Variants in HMCN1 observed in about 807,000 individuals in gnomAD.
HMCN1 encodes the protein hemicentin 1.
Under a neutral mutation model 625.9 loss-of-function variants are expected in HMCN1, and 321 were observed. That is an observed-to-expected ratio of 0.51 (90% CI 0.47 to 0.56). The LOEUF (loss-of-function observed/expected upper bound fraction) is 0.56, where lower values mean the gene tolerates loss of function less well. Ranked by LOEUF, HMCN1 falls within the 20% of genes least tolerant of loss-of-function variation. HMCN1 has a pLI of 0.00. For missense variants in HMCN1, 6,588 were observed against 6,887.3 expected (o/e 0.96, Z 1.54); for synonymous variants, 2,425 against 2,417.6 (o/e 1.00, Z -0.09).
intron 2 of HMCN1, among the ~76,000 whole-genome samples, chr1:185,858,412 G>T (rs1001475612): frequency 4.0e-5 from 6 of 151,252 alleles, no homozygotes; most frequent in African/African-American, 1.5e-4. Context: ...GACGTTTAAA[G>T]GATTTATTTT....
chr1:185,864,384 T>C (rs889429547), intron 2 of HMCN1, 86 bp from the exon 3 acceptor site: 3 of 1,317,960 alleles, frequency 2.3e-6, no homozygotes, highest in African/African-American at 2.9e-5. Flanking sequence ...TTGCTCGTTC[T>C]AAAACTCCCA....
At chr1:185,822,676 T>G (rs896231124) in intron 1 of HMCN1, among the ~76,000 whole-genome samples, 1 of 152,166 alleles carries the variant, frequency 6.6e-6, no homozygotes, top group African/African-American at 2.4e-5. Context: ...GAATATCAAT[T>G]TTAGTGAGAT....
chr1:186,101,879 A>G (rs532832855), intron 68 of HMCN1, among the ~76,000 whole-genome samples: 1 of 152,250 alleles, frequency 6.6e-6, no homozygotes, highest in African/African-American at 2.4e-5. Flanking sequence ...TGATACGAAA[A>G]TGAAAAAGCA....
intron 50 of HMCN1, among the ~76,000 whole-genome samples, 179 bp downstream of exon 50, chr1:186,068,186 C>A (rs919340163): frequency 4.0e-5 from 6 of 151,834 alleles, no homozygotes; most frequent in African/African-American, 1.5e-4. Context: ...GGGATTGGGA[C>A]CCCTGCTGTA....
intron 36 of HMCN1, among the ~76,000 whole-genome samples, chr1:186,034,946 C>T (rs1164078842): frequency 6.6e-6 from 1 of 152,100 alleles, no homozygotes; most frequent in Non-Finnish European, 1.5e-5. Flanking sequence ...ATTGCCAACC[C>T]ATTCCATAGC....
chr1:185,889,359 G>A (rs1664893296), intron 4 of HMCN1, among the ~76,000 whole-genome samples: 1 of 146,774 alleles, frequency 6.8e-6, no homozygotes, highest in African/African-American at 2.7e-5. Context: ...GAATAGGAGT[G>A]GTGAGAGAGG....
Position 186,076,414 on chromosome 1 carries a change from C to G in HMCN1, c.8291-14C>G. 6.2e-7 allele frequency: 1 copy of G among 1,611,210 alleles called. No individual in the cohort carries two copies. Among genetic ancestry groups the G allele is most frequent in the Admixed American group, 1.7e-5 (1 of 59,876 alleles). On this transcript the variant is annotated splice_polypyrimidine_tract_variant and intron_variant, in intron 53 of 106. Transcript: ENST00000271588. ...ATTTATATGTGACCAACATTTAATG[C>G]CTTTCCTCCATAGTTCCTCCAAGTT...
chr1:186,022,989 A>G, intron 35 of HMCN1, 41 bp from the exon 36 acceptor site: 6 of 1,600,056 alleles, frequency 3.7e-6, no homozygotes, highest in Non-Finnish European at 4.3e-6. Context: ...AAATCCAAGT[A>G]TAAGATACAA....
intron 62 of HMCN1, 136 bp from the exon 63 acceptor site, chr1:186,088,464 TTTTTTC>T: frequency 7.5e-7 from 1 of 1,332,944 alleles, no homozygotes; most frequent in South Asian, 1.4e-5. Flanking sequence ...TTATAAAGAA[TTTTTTC>T]TTTTTTAAAA....
At chr1:185,758,642 A>G (rs1655286304) in intron 1 of HMCN1, among the ~76,000 whole-genome samples, 1 of 150,916 alleles carries the variant, frequency 6.6e-6, no homozygotes, top group African/African-American at 2.5e-5. Flanking sequence ...TTACAAACAA[A>G]TAAACAAACA....
At chr1:186,028,337 T>C (rs963904818) in intron 36 of HMCN1, among the ~76,000 whole-genome samples, 5 of 152,222 alleles carry the variant, frequency 3.3e-5, no homozygotes, top group African/African-American at 1.2e-4. Flanking sequence ...GATCATAAGA[T>C]ATTGTTACTT....
intron 45 of HMCN1, among the ~76,000 whole-genome samples, chr1:186,055,878 T>G (rs2102289161): frequency 6.6e-6 from 1 of 152,116 alleles, no homozygotes; most frequent in South Asian, 2.1e-4. Flanking sequence ...TAAGCGCATA[T>G]TAGATATTCT....
chr1:185,796,767 C>A (rs1482563520), intron 1 of HMCN1, among the ~76,000 whole-genome samples: 2 of 152,158 alleles, frequency 1.3e-5, no homozygotes, highest in Non-Finnish European at 2.9e-5. Context: ...CTTAGGTTGA[C>A]TCCATATCTT....
chr1:186,121,060 G>A (rs1337305485), intron 80 of HMCN1, among the ~76,000 whole-genome samples: 1 of 152,168 alleles, frequency 6.6e-6, no homozygotes, highest in Non-Finnish European at 1.5e-5. Flanking sequence ...GCTAGGATAA[G>A]CCATGGGCAG....
chr1:185,950,176 T>C (rs1005157281), intron 11 of HMCN1, among the ~76,000 whole-genome samples: 1 of 151,268 alleles, frequency 6.6e-6, no homozygotes, highest in South Asian at 2.1e-4. Context: ...GGAGGCCGGA[T>C]TGAAGTCTGG....
intron 1 of HMCN1, among the ~76,000 whole-genome samples, chr1:185,762,183 G>A (rs2102124864): frequency 6.6e-6 from 1 of 152,280 alleles, no homozygotes; most frequent in South Asian, 2.1e-4. Flanking sequence ...ATTCTGCCTG[G>A]AAAGGAATAA....
intron 30 of HMCN1, among the ~76,000 whole-genome samples, chr1:186,010,754 C>T (rs1244445348): frequency 6.6e-6 from 1 of 152,102 alleles, no homozygotes; most frequent in African/African-American, 2.4e-5. Flanking sequence ...GATAGCAGGA[C>T]TTGGCAAACC....
At chr1:185,861,740 A>C (rs1160725143) in intron 2 of HMCN1, among the ~76,000 whole-genome samples, 3 of 152,206 alleles carry the variant, frequency 2.0e-5, no homozygotes, top group Non-Finnish European at 4.4e-5. Context: ...GTACCACTAA[A>C]GTGTAAAGCA....
At chr1:185,810,089 G>C (rs1322686199) in intron 1 of HMCN1, among the ~76,000 whole-genome samples, 4 of 151,974 alleles carry the variant, frequency 2.6e-5, no homozygotes, top group Non-Finnish European at 4.4e-5. Flanking sequence ...TAACATTTTG[G>C]TTATATCTCT....
Sources: allele counts gnomAD v4.1 joint callset (sites outside exome capture counted in the v4.1 genomes callset), GRCh38; gene constraint gnomAD v4.1.1; transcripts MANE v1.5; gene names NCBI Gene and HGNC (gene_info 2026-07-23, HGNC 2026-07-21).